The following FNDC8 variants were observed in gnomAD, a reference collection of about 807,000 sequenced individuals.
FNDC8 encodes the protein fibronectin type III domain-containing protein 8.
A neutral mutation model predicts 24.8 loss-of-function variants in FNDC8; 23 were observed. The observed-to-expected ratio is 0.93, with a 90% CI of 0.67 to 1.31. FNDC8 has a LOEUF of 1.31. Among genes scored for constraint, FNDC8 ranks in the 40% most tolerant of loss-of-function variants. The pLI is 0.00. For missense variants in FNDC8, 371 were observed against 398.2 expected (o/e 0.93, Z 0.58); for synonymous variants, 158 against 165.3 (o/e 0.96, Z 0.34).
chr17:35,127,087 C>T lies in FNDC8; in HGVS notation c.255C>T (p.Thr85=). Reference sequence around the variant, plus strand: ...ATTCAGACTGCAGCTCTGATGAGACCAGCATCTCTGCCTTCTCATCCACCT... The same window carrying T: ...ATTCAGACTGCAGCTCTGATGAGACTAGCATCTCTGCCTTCTCATCCACCT... ...VEDSDCSSDE[T]SISAFSSTLL... Residue 85 remains threonine, a synonymous_variant, in exon 2 of 4, where the codon ACC becomes ACT. Transcript: ENST00000158009. 3 of 1,613,304 alleles carry T rather than the reference C, an allele frequency of 1.9e-6. No homozygotes were observed. Among genetic ancestry groups the T allele is most frequent in the Non-Finnish European group, 2.5e-6 (3 of 1,179,520 alleles).
At chr17:35,129,746 G>A (rs1419025515) in intron 3 of FNDC8, 88 bp downstream of exon 3, 4 of 1,520,976 alleles carry the variant, frequency 2.6e-6, no homozygotes, top group Non-Finnish European at 3.5e-6. Flanking sequence ...ACACCCCTAT[G>A]CCCACATGAC....
At chr17:35,129,177 C>T (rs998086773) in intron 2 of FNDC8, 16 of 469,280 alleles carry the variant, frequency 3.4e-5, no homozygotes, top group African/African-American at 2.1e-4. Flanking sequence ...GGACCCCTGG[C>T]GTATAAGAAA....
chr17:35,121,868 G>A lies in FNDC8; in HGVS notation c.175G>A (p.Val59Ile). The A allele has an allele frequency of 6.2e-7, 1 of 1,613,368 alleles. No homozygotes were observed. Among genetic ancestry groups the A allele is most frequent in the South Asian group, 1.1e-5 (1 of 91,070 alleles). ...CCCACTAGCCTCAAAGGGCAATTTGGTCAACTTCTTGGAGGATGATACCAT... is the reference window on the plus strand; with the variant it reads ...CCCACTAGCCTCAAAGGGCAATTTGATCAACTTCTTGGAGGATGATACCAT... ...GLPLASKGNL[V>I]NFLEDDTINL... is the part of the protein sequence containing the mutation. Residue 59 changes from valine (V) to isoleucine (I), a missense_variant, in exon 1 of 4, where the codon GTC (valine) becomes ATC (isoleucine). Transcript: ENST00000158009.
intron 1 of FNDC8, among the ~76,000 whole-genome samples, chr17:35,122,175 T>TAC (rs1386004461): frequency 7.4e-5 from 2 of 26,946 alleles, no homozygotes; most frequent in East Asian, 2.6e-3. Flanking sequence ...TATATATATA[T>TAC]ATATATATAT....
In FNDC8 at chr17:35,127,290, T is replaced by C; in HGVS notation, c.458T>C (p.Leu153Pro). 3.7e-6 allele frequency: 6 copies of C among 1,614,114 alleles called. No individual in the cohort carries two copies. The highest frequency in any genetic ancestry group is 5.1e-6 in the Non-Finnish European group (6 of 1,179,984). The change falls in exon 2 of 4, where the codon CTG becomes CCG. Residue 153 changes from leucine (L) to proline (P), a missense_variant. Coordinates refer to ENST00000158009, the MANE Select transcript of FNDC8 (RefSeq NM_017559.4). ...PSKSQMATRGLLDLDNPELET... is the reference protein window; with the variant it reads ...PSKSQMATRGPLDLDNPELET... ...AAGTCCCAGATGGCCACAAGGGGCC[T>C]GCTGGACCTTGACAACCCTGAGCTG...
intron 1 of FNDC8, 71 bp from the exon 2 acceptor site, chr17:35,126,971 G>T: frequency 2.0e-6 from 3 of 1,514,554 alleles, no homozygotes; most frequent in Non-Finnish European, 2.7e-6. Context: ...CAGGCCCAAG[G>T]CCTGCCCTCA....
intron 3 of FNDC8, chr17:35,129,930 AATTCAGTGCCCATG>A: frequency 7.2e-7 from 1 of 1,384,600 alleles, no homozygotes; most frequent in Non-Finnish European, 9.4e-7. Context: ...TAGACTCTGC[AATTCAGTGCCCATG>A]ATTGTGAGTA....
intron 1 of FNDC8, among the ~76,000 whole-genome samples, chr17:35,124,322 G>A (rs183598960): frequency 0.01 from 1,532 of 152,270 alleles, 7 homozygotes; most frequent in Middle Eastern, 0.068. Flanking sequence ...GAGGTCAAGA[G>A]ATCGAGACCA....
At chr17:35,126,479 G>C (rs2091849517) in intron 1 of FNDC8, among the ~76,000 whole-genome samples, 1 of 148,388 alleles carries the variant, frequency 6.7e-6, no homozygotes, top group African/African-American at 2.5e-5. Flanking sequence ...CAGAACACTT[G>C]CATCAGGATT....
At chr17:35,129,721 C>G in intron 3 of FNDC8, 63 bp downstream of exon 3, 1 of 1,569,008 alleles carries the variant, frequency 6.4e-7, no homozygotes, top group Non-Finnish European at 8.6e-7. Flanking sequence ...GGAACCAGGG[C>G]TTTGGAGGTT....
Position 35,121,917 on chromosome 17 carries a change from T to G in FNDC8, c.209+15T>G. 1 of 1,598,944 alleles carries G rather than the reference T, an allele frequency of 6.3e-7. No individual in the cohort carries two copies. ...ATCAACCTACTGTAAGTCACAAATC[T>G]GGTCCCTCCCTCCCTCCCTCCCTCC... On this transcript the variant is annotated intron_variant, in intron 1 of 3. Coordinates refer to ENST00000158009, the MANE Select transcript of FNDC8 (RefSeq NM_017559.4).
chr17:35,129,694 G>A, intron 3 of FNDC8, 36 bp downstream of exon 3: 4 of 1,602,170 alleles, frequency 2.5e-6, no homozygotes, highest in Non-Finnish European at 3.4e-6. Flanking sequence ...TGGGGGTGGA[G>A]AGAAGTCCAA....
intron 3 of FNDC8, chr17:35,129,892 A>C: frequency 1.4e-6 from 2 of 1,401,642 alleles, no homozygotes; most frequent in East Asian, 2.7e-5. Flanking sequence ...CATCACTATA[A>C]TGTTCCCCTT....
intron 1 of FNDC8, 32 bp from the exon 2 acceptor site, chr17:35,127,010 A>ATCTGATTC: frequency 6.5e-7 from 1 of 1,546,118 alleles, no homozygotes; most frequent in Non-Finnish European, 8.7e-7. Context: ...GGCCTCCTTC[A>ATCTGATTC]TCTGATTCAC....
chr17:35,124,419 C>T (rs1346526941), intron 1 of FNDC8, among the ~76,000 whole-genome samples: 6 of 152,144 alleles, frequency 3.9e-5, no homozygotes, highest in East Asian at 1.9e-4. Flanking sequence ...CCCAGCTACT[C>T]GGGAGGCTGA....
At chr17:35,130,099 A>G in intron 3 of FNDC8, 183 bp from the exon 4 acceptor site, 1 of 1,427,510 alleles carries the variant, frequency 7.0e-7, no homozygotes, top group Non-Finnish European at 9.1e-7. Flanking sequence ...AATATCCCAT[A>G]ATGAGGAGGT....
At chr17:35,126,780 G>A (rs577495056) in intron 1 of FNDC8, among the ~76,000 whole-genome samples, 5 of 152,360 alleles carry the variant, frequency 3.3e-5, no homozygotes, top group East Asian at 3.9e-4. Context: ...GATTATAGGC[G>A]TGAGCCACTG....
chr17:35,124,390 T>C (rs565526133), intron 1 of FNDC8, among the ~76,000 whole-genome samples: 1 of 152,078 alleles, frequency 6.6e-6, no homozygotes, highest in South Asian at 2.1e-4. Context: ...TAGCTGAACA[T>C]GGTGGCCGCA....
chr17:35,129,795 A>T, intron 3 of FNDC8, 137 bp downstream of exon 3: 1 of 1,451,354 alleles, frequency 6.9e-7, no homozygotes, highest in Non-Finnish European at 9.0e-7. Context: ...GTCAAGAAGC[A>T]TCAATTCCAG....
Sources: gnomAD v4.1 joint callset for allele counts (sites outside exome capture counted in the v4.1 genomes callset) on GRCh38, gnomAD v4.1.1 for gene constraint, MANE v1.5 for transcripts, NCBI Gene and HGNC (gene_info 2026-07-23, HGNC 2026-07-21) for gene names.